CHST9: variants seen among roughly 807,000 people sequenced by gnomAD.
CHST9 encodes the protein GalNAc-4-sulfotransferase 2.
Under a neutral mutation model 44.4 loss-of-function variants are expected in CHST9, and 41 were observed. That is an observed-to-expected ratio of 0.92 (90% CI 0.72 to 1.20). The LOEUF (loss-of-function observed/expected upper bound fraction) is 1.20, where lower values mean the gene tolerates loss of function less well. Ranked by LOEUF, CHST9 falls within the 50% of genes most tolerant of loss-of-function variation. The pLI, the probability that CHST9 is intolerant of heterozygous loss-of-function variation, is 0.00. For synonymous variants in CHST9, 171 were observed against 178.4 expected (o/e 0.96, Z 0.33); for missense variants, 504 against 516.5 (o/e 0.98, Z 0.23).
rs892189904 is a variant in CHST9, at chr18:26,914,788, A to G, written c.*1471T>C. 3.8e-5 allele frequency: 15 copies of G among 395,194 alleles called. No homozygotes were observed. The highest frequency in any genetic ancestry group is 2.6e-4 in the Admixed American group (6 of 22,650). The allele number at this position is 395,194 out of a possible 1,614,324, so 24.5% of individuals were successfully genotyped here. A position where few individuals can be genotyped will look rare whatever the true frequency, so the allele number is the denominator to read the frequency against. On this transcript the variant is annotated 3_prime_UTR_variant, in exon 6 of 6. Coordinates refer to ENST00000618847, the MANE Select transcript of CHST9 (RefSeq NM_031422.6). ...TATTAACATTCAACTATTAATACCT[A>G]CTGTTCTTTGAAAGCCATTACTGAA...
chr18:27,150,186 T>C (rs1205387555), intron 1 of CHST9, among the ~76,000 whole-genome samples: 1 of 152,122 alleles, frequency 6.6e-6, no homozygotes, highest in African/African-American at 2.4e-5. Flanking sequence ...ATCTCTAAAA[T>C]GCTCTTTGGG....
chr18:27,088,315 C>CT (rs1204609599), intron 2 of CHST9, among the ~76,000 whole-genome samples: 1 of 152,006 alleles, frequency 6.6e-6, no homozygotes, highest in African/African-American at 2.4e-5. Context: ...ACCTTTGTAC[C>CT]TCACACATTC....
chr18:27,085,385 A>G (rs1301627947), intron 2 of CHST9, among the ~76,000 whole-genome samples: 2 of 152,194 alleles, frequency 1.3e-5, no homozygotes, highest in Non-Finnish European at 2.9e-5. Flanking sequence ...ACAAAGGTTT[A>G]CTATCCAGAA....
chr18:26,914,864 G>A lies in CHST9; in HGVS notation c.*1395C>T, dbSNP rs2055490834. The A allele has an allele frequency of 2.5e-6, 1 of 397,548 alleles. No individual in the cohort carries two copies. Among genetic ancestry groups the A allele is most frequent in the African/African-American group, 2.1e-5 (1 of 48,576 alleles). The allele number at this position is 397,548 out of a possible 1,614,324, so 24.6% of individuals were successfully genotyped here. On this transcript the variant is annotated 3_prime_UTR_variant, in exon 6 of 6. Transcript: ENST00000618847. ...AGCTTAGGAAGAGGAAGATGTTCAGGAAAAGCATTTAAGCAGGGTTTGAAA... is the reference window on the plus strand; with the variant it reads ...AGCTTAGGAAGAGGAAGATGTTCAGAAAAAGCATTTAAGCAGGGTTTGAAA...
At chr18:26,928,089 C>A (rs148270137) in intron 5 of CHST9, among the ~76,000 whole-genome samples, 1 of 152,170 alleles carries the variant, frequency 6.6e-6, no homozygotes, top group Non-Finnish European at 1.5e-5. Context: ...GCACTTGTTT[C>A]GGGGAGCACA....
At position 26,912,088 on chromosome 18, in the gene CHST9, A is replaced by G. The variant is rs1598543820; in HGVS notation, c.*4171T>C. On this transcript the variant is annotated 3_prime_UTR_variant, in exon 6 of 6. Transcript: ENST00000618847. Reference sequence around the variant, plus strand: ...GTGGCTGTCAGGGGCCTATGTGTGGAAAGTTCGCCTGAACTTTCTTCCTCT... The same window carrying G: ...GTGGCTGTCAGGGGCCTATGTGTGGGAAGTTCGCCTGAACTTTCTTCCTCT... The G allele has an allele frequency of 6.6e-6, 1 of 152,096 alleles. No homozygotes were observed. The highest frequency in any genetic ancestry group is 1.9e-4 in the East Asian group (1 of 5,184). 9.4% of individuals were successfully genotyped at this position (152,096 alleles called of 1,614,324 possible).
chr18:27,106,583 A>AATTT (rs1449503533), intron 2 of CHST9, among the ~76,000 whole-genome samples: 3 of 152,156 alleles, frequency 2.0e-5, no homozygotes. Flanking sequence ...AATGCATGAT[A>AATTT]ATTTATTCCC....
In CHST9 at chr18:26,975,709, ATG is replaced by A. The variant is rs1266109899; in HGVS notation, c.203-31345_203-31344del. 3.9e-3 allele frequency among the ~76,000 whole-genome samples: 220 copies of A among 56,888 alleles called. 2 individuals are homozygous for A. The highest frequency in any genetic ancestry group is 5.8e-3 in the South Asian group (12 of 2,086). 37.3% of individuals were successfully genotyped at this position (56,888 alleles called of 152,430 possible). On this transcript the variant is annotated intron_variant, in intron 4 of 5. Coordinates refer to ENST00000618847, the MANE Select transcript of CHST9 (RefSeq NM_031422.6). ...TGTGTGTGTATATATATGTGTATAT[ATG>A]TGTGTGTGTGTGTGTATATATATAT...
At chr18:26,956,009 T>C (rs1205228772) in intron 4 of CHST9, among the ~76,000 whole-genome samples, 1 of 151,974 alleles carries the variant, frequency 6.6e-6, no homozygotes, top group Admixed American at 6.6e-5. Context: ...AAATATATAA[T>C]TATAGCGCCA....
At chr18:27,097,460 T>C (rs1173277807) in intron 2 of CHST9, among the ~76,000 whole-genome samples, 1 of 151,976 alleles carries the variant, frequency 6.6e-6, no homozygotes, top group East Asian at 1.9e-4. Context: ...CAACTATCTC[T>C]CTTTGTAGAC....
In CHST9 at chr18:27,071,263, T is replaced by C. The variant is rs138824381; in HGVS notation, c.122-22760A>G. 8.6e-3 allele frequency among the ~76,000 whole-genome samples: 1,312 copies of C among 152,190 alleles called. 21 individuals carry two copies. Among genetic ancestry groups the C allele is most frequent in the African/African-American group, 0.028 (1,176 of 41,550 alleles). On this transcript the variant is annotated intron_variant, in intron 2 of 5. Coordinates refer to ENST00000618847, the MANE Select transcript of CHST9 (RefSeq NM_031422.6). ...TTCCTCTTTATCTAGCCTTCCATCA[T>C]TGATACACATCAGTATTTCATTCAC...
chr18:27,014,453 C>CAAAAAAAAAAAAAAAAA (rs57437876), intron 4 of CHST9, among the ~76,000 whole-genome samples: 3 of 39,438 alleles, frequency 7.6e-5, no homozygotes, highest in Admixed American at 4.2e-4. Flanking sequence ...GACTCTGTCT[C>CAAAAAAAAAAAAAAAAA]AAAAAAAAAA....
intron 2 of CHST9, among the ~76,000 whole-genome samples, chr18:27,066,399 A>T (rs1249638316): frequency 6.6e-6 from 1 of 152,224 alleles, no homozygotes; most frequent in African/African-American, 2.4e-5. Context: ...TGAATAAATG[A>T]CAAATATAAA....
chr18:26,948,603 C>T (rs1025185545), intron 4 of CHST9, among the ~76,000 whole-genome samples: 10 of 152,226 alleles, frequency 6.6e-5, no homozygotes, highest in South Asian at 4.1e-4. Flanking sequence ...AATGCAGCAG[C>T]CTACTGAACT....
rs1322494445 is a variant in CHST9, at chr18:27,120,679, C to A, written c.121+22010G>T. Among the ~76,000 whole-genome samples, 3 of 152,186 alleles carry A rather than the reference C, an allele frequency of 2.0e-5. No homozygotes were observed. The East Asian group carries it at 5.8e-4, about 29-fold the overall frequency. On this transcript the variant is annotated intron_variant, in intron 2 of 5. Coordinates refer to ENST00000618847, the MANE Select transcript of CHST9 (RefSeq NM_031422.6). ...TGCCTTTGGGCAAATTATTTATTTT[C>A]TCTGTGACTCAGTTTCCTCAATTAT...
intron 1 of CHST9, among the ~76,000 whole-genome samples, chr18:27,175,361 G>A (rs1031022041): frequency 1.2e-4 from 18 of 151,996 alleles, no homozygotes; most frequent in African/African-American, 4.3e-4. Flanking sequence ...ATAAAGTGAA[G>A]CCTTTTAAAA....
At chr18:27,056,205 T>C (rs532331308) in intron 2 of CHST9, among the ~76,000 whole-genome samples, 3 of 152,208 alleles carry the variant, frequency 2.0e-5, no homozygotes, top group Non-Finnish European at 2.9e-5. Flanking sequence ...CAGGTAAGTA[T>C]TTATTTAGTA....
At chr18:26,970,825 C>T (rs1444496234) in intron 4 of CHST9, among the ~76,000 whole-genome samples, 2 of 152,214 alleles carry the variant, frequency 1.3e-5, no homozygotes, top group African/African-American at 4.8e-5. Flanking sequence ...AGCACATAGA[C>T]ATCCATCACT....
intron 4 of CHST9, among the ~76,000 whole-genome samples, chr18:26,947,724 C>A (rs867954530): frequency 6.6e-6 from 1 of 152,176 alleles, no homozygotes; most frequent in South Asian, 2.1e-4. Context: ...GTTAGAATAG[C>A]GATCATTAAA....
Sources: allele counts gnomAD v4.1 joint callset (sites outside exome capture counted in the v4.1 genomes callset), GRCh38; gene constraint gnomAD v4.1.1; transcripts MANE v1.5; gene names NCBI Gene and HGNC (gene_info 2026-07-23, HGNC 2026-07-21).